KDM4C: variants seen among roughly 807,000 people sequenced by gnomAD.
The protein encoded by KDM4C is lysine-specific demethylase 4C.
KDM4C carries 81 observed loss-of-function variants against 129.3 expected under a neutral mutation model. That is an observed-to-expected ratio of 0.63 (90% CI 0.52 to 0.75). KDM4C has a LOEUF of 0.75. Among genes scored for constraint, KDM4C ranks in the 30% least tolerant of loss-of-function variants. The pLI is 0.00. For synonymous variants in KDM4C, 573 were observed against 456.1 expected, an observed-to-expected ratio of 1.26 and a Z score of -3.26; for missense variants, 1,457 against 1,304.0, an observed-to-expected ratio of 1.12 and a Z score of -1.81.
intron 17 of KDM4C, among the ~76,000 whole-genome samples, chr9:7,092,444 C>G (rs553939876): frequency 6.6e-6 from 1 of 152,340 alleles, no homozygotes; most frequent in South Asian, 2.1e-4. Flanking sequence ...ACTCTTCTTT[C>G]TCTGTCCTCA....
At chr9:6,892,961 G>A (rs1563770223) in intron 7 of KDM4C, 134 bp from the exon 8 acceptor site, 1 of 560,644 alleles carries the variant, frequency 1.8e-6, no homozygotes, top group East Asian at 3.5e-5. Flanking sequence ...AATGAATCTG[G>A]TGGAACTCTT....
At chr9:6,938,003 T>C (rs1825140338) in intron 8 of KDM4C, among the ~76,000 whole-genome samples, 1 of 152,178 alleles carries the variant, frequency 6.6e-6, no homozygotes, top group Non-Finnish European at 1.5e-5. Flanking sequence ...TGAGCCACCG[T>C]GGCCGGCCAG....
intron 8 of KDM4C, among the ~76,000 whole-genome samples, chr9:6,919,919 C>G (rs1322902218): frequency 6.6e-6 from 1 of 152,086 alleles, no homozygotes; most frequent in African/African-American, 2.4e-5. Context: ...AGCCTTTTAC[C>G]TACTCCATGC....
At chr9:6,990,776 C>T in intron 12 of KDM4C, among the ~76,000 whole-genome samples, 1 of 152,088 alleles carries the variant, frequency 6.6e-6, no homozygotes, top group East Asian at 1.9e-4. Flanking sequence ...AATCAGTCAG[C>T]CTTGACATGT....
At chr9:6,912,240 A>G (rs879869017) in intron 8 of KDM4C, among the ~76,000 whole-genome samples, 1 of 152,034 alleles carries the variant, frequency 6.6e-6, no homozygotes, top group African/African-American at 2.4e-5. Context: ...CAGCAAGTTG[A>G]GCTGCTCCTC....
At chr9:7,010,118 T>C (rs930193952) in intron 12 of KDM4C, among the ~76,000 whole-genome samples, 3 of 152,246 alleles carry the variant, frequency 2.0e-5, no homozygotes, top group Admixed American at 1.3e-4. Flanking sequence ...AAATTAGCTG[T>C]AGTATATCCT....
intron 19 of KDM4C, among the ~76,000 whole-genome samples, chr9:7,136,926 A>T (rs1021962508): frequency 3.3e-5 from 5 of 152,194 alleles, no homozygotes; most frequent in East Asian, 1.9e-4. Flanking sequence ...TTTTCCTCAG[A>T]GCTCTAGCAA....
chr9:6,887,442 CAGG>C (rs1327085308), intron 6 of KDM4C, among the ~76,000 whole-genome samples: 1 of 152,176 alleles, frequency 6.6e-6, no homozygotes, highest in Non-Finnish European at 1.5e-5. Context: ...GAAGTTCATT[CAGG>C]AGATTAGTAG....
intron 4 of KDM4C, among the ~76,000 whole-genome samples, chr9:6,829,685 A>T (rs1350382260): frequency 6.6e-6 from 1 of 152,134 alleles, no homozygotes; most frequent in African/African-American, 2.4e-5. Flanking sequence ...TTAGAGCTTG[A>T]ACACTGTGTA....
At chr9:6,959,337 T>C (rs1173490829) in intron 8 of KDM4C, among the ~76,000 whole-genome samples, 1 of 152,216 alleles carries the variant, frequency 6.6e-6, no homozygotes, top group Non-Finnish European at 1.5e-5. Flanking sequence ...AGTGTTGGTC[T>C]GTTTCTTTGC....
At chr9:6,876,441 T>G (rs1843567353) in intron 5 of KDM4C, among the ~76,000 whole-genome samples, 1 of 152,214 alleles carries the variant, frequency 6.6e-6, no homozygotes, top group Non-Finnish European at 1.5e-5. Context: ...CGTGGTGAAG[T>G]GGCTTGTGCA....
rs1159772832 is a variant in KDM4C, at chr9:6,758,664, C to G, written c.-18+461C>G. ...GGGTGGGAGCTCCTCTCCTGACCAC[C>G]CGTTGCAGGCAGTCATCCCGTCATT... On this transcript the variant is annotated intron_variant, in intron 1 of 21. Coordinates refer to ENST00000381309, the MANE Select transcript of KDM4C (RefSeq NM_015061.6). This position sits in a 1 kb window ranked among gnomAD's most constrained non-coding sequence, Gnocchi z 4.6. Among the ~76,000 whole-genome samples the G allele has an allele frequency of 2.0e-5, 3 of 152,232 alleles. No individual in the cohort carries two copies. Among genetic ancestry groups the G allele is most frequent in the Admixed American group, 6.5e-5 (1 of 15,286 alleles).
At chr9:7,004,790 C>G (rs560874663) in intron 12 of KDM4C, among the ~76,000 whole-genome samples, 1 of 152,316 alleles carries the variant, frequency 6.6e-6, no homozygotes, top group East Asian at 1.9e-4. Context: ...TGGCTCTGTT[C>G]TAATCTGTGT....
intron 5 of KDM4C, among the ~76,000 whole-genome samples, chr9:6,863,450 C>G (rs1003875795): frequency 1.3e-5 from 2 of 151,966 alleles, no homozygotes; most frequent in African/African-American, 4.8e-5. Flanking sequence ...CATGTTGCTT[C>G]CATTCATGGT....
intron 5 of KDM4C, among the ~76,000 whole-genome samples, chr9:6,874,205 T>G (rs1156396868): frequency 1.3e-5 from 2 of 152,226 alleles, no homozygotes; most frequent in Non-Finnish European, 2.9e-5. Flanking sequence ...ACAGATAGGC[T>G]TGGTTAGCAC....
At chr9:7,075,250 G>A (rs961174563) in intron 17 of KDM4C, among the ~76,000 whole-genome samples, 1 of 152,156 alleles carries the variant, frequency 6.6e-6, no homozygotes, top group African/African-American at 2.4e-5. Context: ...GTCTATGCTC[G>A]GTTAATGGTT....
intron 15 of KDM4C, among the ~76,000 whole-genome samples, chr9:7,030,661 A>T (rs1587058132): frequency 6.6e-6 from 1 of 152,254 alleles, no homozygotes; most frequent in Non-Finnish European, 1.5e-5. Flanking sequence ...TTAAGGCCTT[A>T]CTGTAACCCT....
At chr9:6,764,280 C>T (rs1335607589) in intron 1 of KDM4C, among the ~76,000 whole-genome samples, 1 of 152,154 alleles carries the variant, frequency 6.6e-6, no homozygotes, top group Non-Finnish European at 1.5e-5. Context: ...ATATATGTAG[C>T]ATAGAACAGA....
At chr9:7,124,097 T>C (rs2133315996) in intron 18 of KDM4C, among the ~76,000 whole-genome samples, 1 of 152,236 alleles carries the variant, frequency 6.6e-6, no homozygotes, top group African/African-American at 2.4e-5. Flanking sequence ...TTGATTTAGG[T>C]GTAATTTCTT....
Sources: gnomAD v4.1 joint callset for allele counts (sites outside exome capture counted in the v4.1 genomes callset) on GRCh38, gnomAD v4.1.1 for gene constraint, Gnocchi (gnomAD v3.1) non-coding constraint, MANE v1.5 for transcripts, NCBI Gene and HGNC (gene_info 2026-07-23, HGNC 2026-07-21) for gene names.